Variants in RABGAP1L observed in about 807,000 individuals in gnomAD.
RABGAP1L encodes the protein rab GTPase-activating protein 1-like.
In RABGAP1L, 63 loss-of-function variants were observed where a neutral mutation model predicts 137.7. The observed-to-expected ratio is 0.46, with a 90% confidence interval of 0.37 to 0.56. The LOEUF is 0.56. Among genes scored for constraint, RABGAP1L ranks in the 20% least tolerant of loss-of-function variants. The pLI is 0.00. For synonymous variants in RABGAP1L, 431 were observed against 433.7 expected (o/e 0.99, Z 0.08); for missense variants, 1,095 against 1,244.0 (o/e 0.88, Z 1.80).
chr1:174,825,646 G>A (rs1462791455), intron 19 of RABGAP1L, among the ~76,000 whole-genome samples: 1 of 152,220 alleles, frequency 6.6e-6, no homozygotes. Flanking sequence ...CACTTTGGGA[G>A]GCCAAGGTGG....
chr1:174,746,247 T>A (rs1051378509), intron 17 of RABGAP1L, among the ~76,000 whole-genome samples: 11 of 152,250 alleles, frequency 7.2e-5, no homozygotes, highest in African/African-American at 2.7e-4. Flanking sequence ...TTTGGAGCAA[T>A]TATTCAATTT....
chr1:174,313,812 A>T (rs141468818), intron 11 of RABGAP1L, among the ~76,000 whole-genome samples: 12 of 152,308 alleles, frequency 7.9e-5, no homozygotes, highest in African/African-American at 2.6e-4. Context: ...GATGTATCAC[A>T]TTGATAGATT....
At chr1:174,191,730 C>G (rs1187072642) in intron 1 of RABGAP1L, among the ~76,000 whole-genome samples, 6 of 152,172 alleles carry the variant, frequency 3.9e-5, no homozygotes, top group African/African-American at 1.2e-4. Context: ...GCTTACTGCC[C>G]TGATGGTTTT....
chr1:174,429,195 A>G (rs913265777), intron 13 of RABGAP1L, among the ~76,000 whole-genome samples: 1 of 152,232 alleles, frequency 6.6e-6, no homozygotes, highest in Non-Finnish European at 1.5e-5. Flanking sequence ...AATGAAAGGC[A>G]ATAGAATTAT....
intron 13 of RABGAP1L, among the ~76,000 whole-genome samples, chr1:174,425,974 A>T (rs1035507354): frequency 1.3e-5 from 2 of 152,058 alleles, no homozygotes; most frequent in African/African-American, 4.8e-5. Context: ...AGTTTCTTCT[A>T]TTTAGAGGGA....
chr1:174,232,739 C>T lies in RABGAP1L; in HGVS notation c.542+1384C>T, dbSNP rs142118632. ...TCGTGCCACTGCGCTCCAGCCTGGGCGACAGAGCAAGACGCCATCTCAAAA... is the reference window on the plus strand; with the variant it reads ...TCGTGCCACTGCGCTCCAGCCTGGGTGACAGAGCAAGACGCCATCTCAAAA... On this transcript the variant is annotated intron_variant, in intron 4 of 25. Transcript: ENST00000681986. Among the ~76,000 whole-genome samples the T allele has an allele frequency of 5.5e-4, 81 of 148,258 alleles. 1 individual carries two copies. The East Asian group carries it at 0.015, about 27-fold the overall frequency.
chr1:174,333,897 G>A (rs1681253407), intron 11 of RABGAP1L, among the ~76,000 whole-genome samples: 1 of 152,174 alleles, frequency 6.6e-6, no homozygotes, highest in Non-Finnish European at 1.5e-5. Flanking sequence ...AGTAGCATGA[G>A]ATTATAATCC....
intron 1 of RABGAP1L, among the ~76,000 whole-genome samples, chr1:174,213,295 C>T (rs1337492820): frequency 2.0e-5 from 3 of 152,078 alleles, no homozygotes. Context: ...CACGGTGGTG[C>T]ATGCCTGTAG....
At chr1:174,880,368 A>G (rs1269518265) in intron 19 of RABGAP1L, among the ~76,000 whole-genome samples, 4 of 152,020 alleles carry the variant, frequency 2.6e-5, no homozygotes, top group Non-Finnish European at 5.9e-5. Flanking sequence ...GCTGTGACTC[A>G]TGCCTGTAAT....
chr1:174,586,578 C>T (rs1308206051), intron 13 of RABGAP1L, among the ~76,000 whole-genome samples: 2 of 151,898 alleles, frequency 1.3e-5, no homozygotes, highest in Non-Finnish European at 2.9e-5. Flanking sequence ...AAAAATTCTC[C>T]GTATGTATAT....
At chr1:174,310,281 A>G (rs1678702780) in intron 11 of RABGAP1L, among the ~76,000 whole-genome samples, 1 of 151,956 alleles carries the variant, frequency 6.6e-6, no homozygotes, top group Non-Finnish European at 1.5e-5. Flanking sequence ...TCTGTTATTA[A>G]TTTGTTGTTT....
chr1:174,574,149 C>T (rs1356223463), intron 13 of RABGAP1L, among the ~76,000 whole-genome samples: 1 of 152,142 alleles, frequency 6.6e-6, no homozygotes, highest in African/African-American at 2.4e-5. Flanking sequence ...ATTTGCTTTT[C>T]TTTACAATTA....
At chr1:174,526,624 C>T (rs191459874) in intron 13 of RABGAP1L, among the ~76,000 whole-genome samples, 435 of 151,978 alleles carry the variant, frequency 2.9e-3, no homozygotes, top group Non-Finnish European at 5.4e-3. Flanking sequence ...GTTAGTGTAT[C>T]GTTATTTATA....
At chr1:174,343,487 A>G (rs1307567217) in intron 11 of RABGAP1L, among the ~76,000 whole-genome samples, 2 of 152,184 alleles carry the variant, frequency 1.3e-5, no homozygotes, top group African/African-American at 4.8e-5. Context: ...GTTCACAATA[A>G]ATATCTCATT....
chr1:174,334,236 G>A (rs898503728), intron 11 of RABGAP1L, among the ~76,000 whole-genome samples: 9 of 152,192 alleles, frequency 5.9e-5, no homozygotes, highest in Non-Finnish European at 1.0e-4. Flanking sequence ...TTGTCAGTAA[G>A]TGGCGGCTTT....
chr1:174,347,013 A>G (rs1682494720), intron 11 of RABGAP1L, among the ~76,000 whole-genome samples: 1 of 152,134 alleles, frequency 6.6e-6, no homozygotes, highest in South Asian at 2.1e-4. Flanking sequence ...TCTAATTTCC[A>G]TGTGTTTGTA....
At chr1:174,672,050 C>G (rs1228582599) in intron 14 of RABGAP1L, among the ~76,000 whole-genome samples, 1 of 151,844 alleles carries the variant, frequency 6.6e-6, no homozygotes, top group Non-Finnish European at 1.5e-5. Context: ...AGTAATATTT[C>G]ATCCTTGATC....
chr1:174,941,487 G>T (rs1351173659), intron 19 of RABGAP1L, among the ~76,000 whole-genome samples: 3 of 152,174 alleles, frequency 2.0e-5, no homozygotes, highest in Non-Finnish European at 4.4e-5. Context: ...CACATGAATT[G>T]CTCATAAGAT....
At chr1:174,905,017 G>C (rs2149172708) in intron 19 of RABGAP1L, among the ~76,000 whole-genome samples, 1 of 152,196 alleles carries the variant, frequency 6.6e-6, no homozygotes, top group East Asian at 1.9e-4. Flanking sequence ...ATCTCTTTGG[G>C]AACTCCCTAG....
Sources: allele counts gnomAD v4.1 joint callset (sites outside exome capture counted in the v4.1 genomes callset), GRCh38; gene constraint gnomAD v4.1.1; transcripts MANE v1.5; gene names NCBI Gene and HGNC (gene_info 2026-07-23, HGNC 2026-07-21).